The following IQCE variants were observed in gnomAD, a reference collection of about 807,000 sequenced individuals.
The protein encoded by IQCE is IQ domain-containing protein E.
A neutral mutation model predicts 96.0 loss-of-function variants in IQCE; 115 were observed. That is an observed-to-expected ratio of 1.20 (90% confidence interval 1.03 to 1.40). The LOEUF (loss-of-function observed/expected upper bound fraction) is 1.40. Among genes scored for constraint, IQCE ranks in the 40% most tolerant of loss-of-function variants. The pLI is 0.00. For synonymous variants in IQCE, 412 were observed against 371.2 expected (o/e 1.11, Z -1.26); for missense variants, 1,041 against 909.1 (o/e 1.15, Z -1.87).
At chr7:2,606,713 A>G (rs923236961) in intron 20 of IQCE, among the ~76,000 whole-genome samples, 1 of 152,116 alleles carries the variant, frequency 6.6e-6, no homozygotes, top group African/African-American at 2.4e-5. Context: ...GACCTGGGAC[A>G]CACTGTGGGC....
Position 2,614,717 on chromosome 7 carries a change from T to G in IQCE, c.*4555T>G, listed in dbSNP as rs1484006743. On this transcript the variant is annotated 3_prime_UTR_variant, in exon 22 of 22. Coordinates refer to ENST00000402050, the MANE Select transcript of IQCE (RefSeq NM_152558.5). ...TATTGGCCTTTTAAATAAAAAGTTGTTTTGCAGTGTGCCTTGAGTGCCCCG... is the reference window on the plus strand; with the variant it reads ...TATTGGCCTTTTAAATAAAAAGTTGGTTTGCAGTGTGCCTTGAGTGCCCCG... 1 of 152,220 alleles carries G rather than the reference T, an allele frequency of 6.6e-6. No homozygotes were observed. The highest frequency in any genetic ancestry group is 2.4e-5 in the African/African-American group (1 of 41,456). 9.4% of individuals were successfully genotyped at this position (152,220 alleles called of 1,614,324 possible). A position where few individuals can be genotyped will look rare whatever the true frequency, so the allele number is the denominator to read the frequency against.
At chr7:2,559,270 C>T (rs1583363507) in intron 1 of IQCE, 53 bp downstream of exon 1, 1 of 1,123,900 alleles carries the variant, frequency 8.9e-7, no homozygotes, top group Non-Finnish European at 1.1e-6. Context: ...GGCCTCGGCT[C>T]GTCTCCGTCG....
At chr7:2,567,013 C>A in intron 1 of IQCE, 103 bp from the exon 2 acceptor site, 1 of 920,294 alleles carries the variant, frequency 1.1e-6, no homozygotes, top group Non-Finnish European at 1.7e-6. Flanking sequence ...TCTGGAGTTT[C>A]TGTTTCAGCA....
chr7:2,599,874 A>G (rs1471993968), intron 17 of IQCE, among the ~76,000 whole-genome samples: 1 of 148,338 alleles, frequency 6.7e-6, no homozygotes, highest in Non-Finnish European at 1.5e-5. Context: ...GCTCACTGCA[A>G]CCTCCGCCTC....
intron 21 of IQCE, chr7:2,607,650 C>T: frequency 2.6e-6 from 2 of 764,082 alleles, no homozygotes; most frequent in Non-Finnish European, 3.3e-6. Flanking sequence ...CATCCCTGCT[C>T]TGCCCGGAGC....
chr7:2,566,393 A>G (rs4721818), intron 1 of IQCE, among the ~76,000 whole-genome samples: 3,101 of 151,010 alleles, frequency 0.021, 71 homozygotes, highest in Admixed American at 0.065. Context: ...GAAGGCAAGA[A>G]CCTTTATAGG....
intron 16 of IQCE, 43 bp downstream of exon 16, chr7:2,595,019 G>A: frequency 7.2e-7 from 1 of 1,387,374 alleles, no homozygotes; most frequent in South Asian, 1.2e-5. Flanking sequence ...GGTGCGGTGA[G>A]ACTTTGGTCG....
At chr7:2,598,214 A>G (rs1329114294) in intron 16 of IQCE, 2 of 376,424 alleles carry the variant, frequency 5.3e-6, no homozygotes. Flanking sequence ...GCACTGCCAG[A>G]CAGAGTTAAG....
intron 17 of IQCE, among the ~76,000 whole-genome samples, chr7:2,600,753 C>G (rs1784378515): frequency 6.6e-6 from 1 of 152,228 alleles, no homozygotes; most frequent in Non-Finnish European, 1.5e-5. Flanking sequence ...GACGTGCACT[C>G]TGATGTACCT....
intron 15 of IQCE, among the ~76,000 whole-genome samples, 171 bp from the exon 16 acceptor site, chr7:2,594,715 C>G (rs528073083): frequency 6.6e-6 from 1 of 152,362 alleles, no homozygotes; most frequent in East Asian, 1.9e-4. Flanking sequence ...CTGGTGTTGT[C>G]AGGTCATAGC....
intron 3 of IQCE, among the ~76,000 whole-genome samples, chr7:2,569,824 A>G (rs904486981): frequency 6.6e-6 from 1 of 152,258 alleles, no homozygotes; most frequent in Non-Finnish European, 1.5e-5. Context: ...TACTAGCCCA[A>G]GGAAAACATA....
intron 17 of IQCE, among the ~76,000 whole-genome samples, chr7:2,600,344 T>C (rs1055446568): frequency 3.3e-5 from 5 of 152,220 alleles, no homozygotes; most frequent in African/African-American, 1.2e-4. Context: ...GGCCCCTGTT[T>C]GTGTTTCTAA....
intron 6 of IQCE, 52 bp downstream of exon 6, chr7:2,573,540 A>G: frequency 1.0e-6 from 1 of 998,940 alleles, no homozygotes; most frequent in Non-Finnish European, 1.6e-6. Context: ...AGCTTCCTAT[A>G]ACAATGTATT....
chr7:2,601,290 G>A (rs1264978756), intron 17 of IQCE, 151 bp from the exon 18 acceptor site: 2 of 649,164 alleles, frequency 3.1e-6, no homozygotes, highest in Non-Finnish European at 5.5e-6. Flanking sequence ...GCGTTTGTTT[G>A]CTGGGTCCCG....
At chr7:2,562,855 CT>C (rs558901415) in intron 1 of IQCE, among the ~76,000 whole-genome samples, 299 of 141,456 alleles carry the variant, frequency 2.1e-3, no homozygotes, top group East Asian at 5.8e-3. Context: ...ATCTTTCTTT[CT>C]TTTTTTTTTT....
At chr7:2,570,040 A>G (rs1450200618) in intron 3 of IQCE, among the ~76,000 whole-genome samples, 1 of 152,028 alleles carries the variant, frequency 6.6e-6, no homozygotes, top group Non-Finnish European at 1.5e-5. Flanking sequence ...CCGGGTTTCT[A>G]GTTTCGTGAG....
At chr7:2,605,644 A>G (rs866046762) in intron 19 of IQCE, among the ~76,000 whole-genome samples, 71 of 143,938 alleles carry the variant, frequency 4.9e-4, no homozygotes, top group Non-Finnish European at 7.1e-4. Flanking sequence ...AAGTAAATAA[A>G]TAAATAAATA....
chr7:2,567,809 A>T (rs1405845998), intron 2 of IQCE, among the ~76,000 whole-genome samples: 1 of 152,210 alleles, frequency 6.6e-6, no homozygotes, highest in Non-Finnish European at 1.5e-5. Flanking sequence ...TGTGGACTCA[A>T]GGGGGAGCCT....
At chr7:2,566,292 C>A (rs1232071711) in intron 1 of IQCE, among the ~76,000 whole-genome samples, 1 of 137,646 alleles carries the variant, frequency 7.3e-6, no homozygotes, top group Non-Finnish European at 1.6e-5. Context: ...AAAAAGCTTC[C>A]TTTTTTTTTT....
Sources: gnomAD v4.1 joint callset for allele counts (sites outside exome capture counted in the v4.1 genomes callset) on GRCh38, gnomAD v4.1.1 for gene constraint, MANE v1.5 for transcripts, NCBI Gene and HGNC (gene_info 2026-07-23, HGNC 2026-07-21) for gene names.